ATP6V1H: variants seen among roughly 807,000 people sequenced by gnomAD.
The protein encoded by ATP6V1H is V-type proton ATPase subunit H.
In ATP6V1H, 39 loss-of-function variants were observed where a neutral mutation model predicts 71.7. The ratio of observed to expected loss-of-function variants is 0.54; its 90% CI spans 0.42 to 0.71. ATP6V1H has a LOEUF of 0.71. Among genes scored for constraint, ATP6V1H ranks in the 30% least tolerant of loss-of-function variants. The pLI, the probability that ATP6V1H is intolerant of heterozygous loss-of-function variation, is 0.00. For synonymous variants in ATP6V1H, 192 were observed against 199.3 expected (o/e 0.96, Z 0.31); for missense variants, 509 against 594.9 (o/e 0.86, Z 1.50).
chr8:53,841,541 T>C (rs773358995), intron 2 of ATP6V1H, 37 bp downstream of exon 2: 1 of 1,607,926 alleles, frequency 6.2e-7, no homozygotes, highest in Admixed American at 1.7e-5. Context: ...TGCAAAAGCA[T>C]ATGACTGTCC....
intron 9 of ATP6V1H, among the ~76,000 whole-genome samples, chr8:53,794,343 A>G (rs1239123609): frequency 6.6e-6 from 1 of 152,150 alleles, no homozygotes; most frequent in African/African-American, 2.4e-5. Flanking sequence ...TTTGCAATAC[A>G]TCTGTACCAC....
At chr8:53,787,993 A>T (rs1809437802) in intron 9 of ATP6V1H, among the ~76,000 whole-genome samples, 1 of 152,216 alleles carries the variant, frequency 6.6e-6, no homozygotes, top group Non-Finnish European at 1.5e-5. Context: ...ACTATCTTCA[A>T]ATAACCTCAT....
At chr8:53,736,734 G>A (rs141128764) in intron 13 of ATP6V1H, among the ~76,000 whole-genome samples, 2 of 152,284 alleles carry the variant, frequency 1.3e-5, no homozygotes, top group East Asian at 3.9e-4. Flanking sequence ...AAATGAGAAT[G>A]AGAACTCCCA....
At chr8:53,806,444 C>A (rs184481736) in intron 7 of ATP6V1H, among the ~76,000 whole-genome samples, 112 of 151,254 alleles carry the variant, frequency 7.4e-4, no homozygotes, top group African/African-American at 2.4e-3. Context: ...GATAGTTTCA[C>A]CAAAAAAAAA....
chr8:53,732,663 A>C (rs1807063833), intron 13 of ATP6V1H, among the ~76,000 whole-genome samples: 1 of 151,290 alleles, frequency 6.6e-6, no homozygotes, highest in Non-Finnish European at 1.5e-5. Flanking sequence ...TATTGCAAAA[A>C]AAAAAAAAGA....
In ATP6V1H at chr8:53,806,193, A is replaced by ACT. The variant is rs552705850; in HGVS notation, c.580-4298_580-4297insAG. Among the ~76,000 whole-genome samples, 337 of 152,240 alleles carry ACT rather than the reference A, an allele frequency of 2.2e-3. 2 individuals are homozygous for ACT. The highest frequency in any genetic ancestry group is 7.8e-3 in the African/African-American group (326 of 41,580). ...CACATAATGTTGGGCAAATCACTTA[A>ACT]TCTCGAAAATTGTTTTCTCGTTAGC... On this transcript the variant is annotated intron_variant, in intron 7 of 13. Coordinates refer to ENST00000359530, the MANE Select transcript of ATP6V1H (RefSeq NM_015941.4).
chr8:53,724,526 T>G (rs968222491), intron 13 of ATP6V1H, among the ~76,000 whole-genome samples: 2 of 151,482 alleles, frequency 1.3e-5, no homozygotes, highest in East Asian at 1.9e-4. Flanking sequence ...AAGATGGAAG[T>G]GTTGAGAGGC....
At chr8:53,774,701 TG>T in intron 9 of ATP6V1H, among the ~76,000 whole-genome samples, 1 of 150,690 alleles carries the variant, frequency 6.6e-6, no homozygotes, top group African/African-American at 2.4e-5. Context: ...AGTCTAGATA[TG>T]AAAAAAAAAA....
chr8:53,761,393 CA>C (rs1808270000), intron 11 of ATP6V1H, among the ~76,000 whole-genome samples: 1 of 151,248 alleles, frequency 6.6e-6, no homozygotes, highest in Admixed American at 6.6e-5. Context: ...TCAGAAAAAT[CA>C]CAGTGTCATA....
chr8:53,787,429 A>G (rs1809423553), intron 9 of ATP6V1H, among the ~76,000 whole-genome samples: 1 of 152,236 alleles, frequency 6.6e-6, no homozygotes, highest in Non-Finnish European at 1.5e-5. Flanking sequence ...GCCTGCATGG[A>G]AAAATGCATG....
intron 7 of ATP6V1H, among the ~76,000 whole-genome samples, chr8:53,809,268 C>T (rs1208922765): frequency 2.0e-5 from 3 of 152,096 alleles, no homozygotes; most frequent in African/African-American, 4.8e-5. Context: ...AATGAGTAAG[C>T]GTCAGGCACA....
At chr8:53,788,295 A>T (rs1465079921) in intron 9 of ATP6V1H, among the ~76,000 whole-genome samples, 1 of 152,192 alleles carries the variant, frequency 6.6e-6, no homozygotes, top group Non-Finnish European at 1.5e-5. Flanking sequence ...TGAAACCCAA[A>T]ATTAGACAAT....
In ATP6V1H at chr8:53,747,830, C is replaced by T. The variant is rs111548158; in HGVS notation, c.1278-4140G>A. Among the ~76,000 whole-genome samples, 350 of 152,150 alleles carry T rather than the reference C, an allele frequency of 2.3e-3. 2 individuals carry two copies. The highest frequency in any genetic ancestry group is 8.0e-3 in the African/African-American group (331 of 41,538). On this transcript the variant is annotated intron_variant, in intron 12 of 13. Transcript: ENST00000359530. ...GTGCTGGGATTACAGGTGTGAGCCACTGCATCCGTCCAAGAAAGCTCTAAG... is the reference window on the plus strand; with the variant it reads ...GTGCTGGGATTACAGGTGTGAGCCATTGCATCCGTCCAAGAAAGCTCTAAG...
chr8:53,741,832 A>G (rs1159778624), intron 13 of ATP6V1H, among the ~76,000 whole-genome samples: 6 of 152,260 alleles, frequency 3.9e-5, no homozygotes, highest in African/African-American at 1.4e-4. Context: ...TGCTGTCCAC[A>G]CTAGCTCTGA....
chr8:53,799,367 GAAAT>G (rs1220195498), intron 8 of ATP6V1H, among the ~76,000 whole-genome samples: 1 of 152,142 alleles, frequency 6.6e-6, no homozygotes, highest in East Asian at 1.9e-4. Flanking sequence ...ATATAATAGT[GAAAT>G]AAATAATTAC....
intron 3 of ATP6V1H, chr8:53,832,538 TAAAATAAAAAGAA>T (rs1811041021): frequency 6.6e-6 from 1 of 152,018 alleles, no homozygotes; most frequent in Non-Finnish European, 1.5e-5. Context: ...CCTTATATAT[TAAAATAAAAAGAA>T]TGCCACCGCC....
chr8:53,824,084 G>A (rs779496648), intron 4 of ATP6V1H, among the ~76,000 whole-genome samples: 15 of 151,204 alleles, frequency 9.9e-5, no homozygotes, highest in Non-Finnish European at 2.1e-4. Context: ...TGAAGCATAA[G>A]ATTTAATAAG....
At chr8:53,720,053 G>C (rs1405808034) in intron 13 of ATP6V1H, among the ~76,000 whole-genome samples, 2 of 152,014 alleles carry the variant, frequency 1.3e-5, no homozygotes, top group Non-Finnish European at 2.9e-5. Context: ...GAATTAATCT[G>C]GGTATTGAGT....
intron 9 of ATP6V1H, among the ~76,000 whole-genome samples, chr8:53,788,185 A>G (rs752951764): frequency 6.6e-6 from 1 of 152,166 alleles, no homozygotes; most frequent in Non-Finnish European, 1.5e-5. Flanking sequence ...TTCTGCTCTC[A>G]GCATATTCAC....
Sources: allele counts gnomAD v4.1 joint callset (sites outside exome capture counted in the v4.1 genomes callset), GRCh38; gene constraint gnomAD v4.1.1; transcripts MANE v1.5; gene names NCBI Gene and HGNC (gene_info 2026-07-23, HGNC 2026-07-21).